The following PAPPA2 variants were observed in gnomAD, a reference collection of about 807,000 sequenced individuals.
PAPPA2 encodes pappalysin-2.
In PAPPA2, 86 loss-of-function variants were observed where a neutral mutation model predicts 176.4. The ratio of observed to expected loss-of-function variants is 0.49; its 90% CI spans 0.41 to 0.58. The LOEUF (loss-of-function observed/expected upper bound fraction) is 0.58. PAPPA2 is among the 20% of genes least tolerant of loss of function. PAPPA2 has a pLI of 0.00. For synonymous variants in PAPPA2, 809 were observed against 852.2 expected (o/e 0.95, Z 0.88); for missense variants, 2,073 against 2,256.9 (o/e 0.92, Z 1.65).
intron 3 of PAPPA2, among the ~76,000 whole-genome samples, chr1:176,638,937 TGC>T (rs1558489582): frequency 7.6e-6 from 1 of 131,502 alleles, no homozygotes; most frequent in Non-Finnish European, 1.6e-5. Context: ...CATGTGCATG[TGC>T]GTGTGTGTGT....
At chr1:176,720,639 A>C (rs549324195) in intron 12 of PAPPA2, among the ~76,000 whole-genome samples, 1 of 152,254 alleles carries the variant, frequency 6.6e-6, no homozygotes, top group African/African-American at 2.4e-5. Flanking sequence ...ATGTATCTAC[A>C]TATAAATAGA....
Position 176,475,683 on chromosome 1 carries a change from G to A in PAPPA2, c.-917+12265G>A, listed in dbSNP as rs116384001. On this transcript the variant is annotated intron_variant, in intron 1 of 22. Coordinates refer to ENST00000367662, the MANE Select transcript of PAPPA2 (RefSeq NM_020318.3). ...TGTCATCCAGTAATATCTTGACTGGGCCAAGAAAATAACCCAACATTTTAT... is the reference window on the plus strand; with the variant it reads ...TGTCATCCAGTAATATCTTGACTGGACCAAGAAAATAACCCAACATTTTAT... 9.8e-3 allele frequency among the ~76,000 whole-genome samples: 1,491 copies of A among 152,292 alleles called. 26 individuals carry two copies. Among genetic ancestry groups the A allele is most frequent in the African/African-American group, 0.034 (1,417 of 41,550 alleles).
intron 1 of PAPPA2, among the ~76,000 whole-genome samples, chr1:176,473,776 A>G (rs533309723): frequency 6.6e-6 from 1 of 152,282 alleles, no homozygotes; most frequent in African/African-American, 2.4e-5. Flanking sequence ...TAATTCCTGA[A>G]TGATATATGA....
chr1:176,616,097 A>G (rs140206974), intron 3 of PAPPA2, among the ~76,000 whole-genome samples: 10 of 152,328 alleles, frequency 6.6e-5, no homozygotes, highest in African/African-American at 2.4e-4. Context: ...ACTGTAACCC[A>G]AACACAGAGG....
At chr1:176,737,306 A>ACT (rs1054662558) in intron 12 of PAPPA2, among the ~76,000 whole-genome samples, 5 of 151,478 alleles carry the variant, frequency 3.3e-5, no homozygotes, top group African/African-American at 1.2e-4. Context: ...TGCCTGGCTT[A>ACT]CTCTCTCTCT....
chr1:176,529,384 C>T (rs1649672170), intron 1 of PAPPA2, among the ~76,000 whole-genome samples: 1 of 151,948 alleles, frequency 6.6e-6, no homozygotes, highest in Non-Finnish European at 1.5e-5. Flanking sequence ...CTCTGAAGCT[C>T]TCCTTCCAGC....
At chr1:176,505,662 G>GCAA (rs1042168425) in intron 1 of PAPPA2, among the ~76,000 whole-genome samples, 1 of 151,652 alleles carries the variant, frequency 6.6e-6, no homozygotes, top group South Asian at 2.1e-4. Flanking sequence ...ATATGGAACA[G>GCAA]CAACAACAAC....
chr1:176,687,890 G>A (rs1659921825), intron 4 of PAPPA2, among the ~76,000 whole-genome samples: 1 of 152,258 alleles, frequency 6.6e-6, no homozygotes, highest in South Asian at 2.1e-4. Flanking sequence ...ATTGATGAAG[G>A]ACTTTTCGGG....
intron 3 of PAPPA2, among the ~76,000 whole-genome samples, chr1:176,631,084 A>G (rs1249938500): frequency 1.3e-5 from 2 of 152,208 alleles, no homozygotes; most frequent in African/African-American, 4.8e-5. Context: ...ACTGGAAAAA[A>G]GCAGAGGTGG....
intron 1 of PAPPA2, among the ~76,000 whole-genome samples, chr1:176,503,136 A>G (rs1211919097): frequency 6.6e-6 from 1 of 152,112 alleles, no homozygotes; most frequent in Non-Finnish European, 1.5e-5. Flanking sequence ...CTAGGAGAGA[A>G]TCAATTTTTT....
At chr1:176,833,029 A>G (rs529601822) in intron 21 of PAPPA2, among the ~76,000 whole-genome samples, 1 of 152,310 alleles carries the variant, frequency 6.6e-6, no homozygotes, top group Admixed American at 6.5e-5. Flanking sequence ...CACATGGACC[A>G]GTGATGCATG....
chr1:176,838,140 C>T (rs1040101572), intron 21 of PAPPA2, among the ~76,000 whole-genome samples: 4 of 152,076 alleles, frequency 2.6e-5, no homozygotes, highest in Admixed American at 2.0e-4. Flanking sequence ...CCAGTGGGGC[C>T]TGGAGGTCAC....
intron 3 of PAPPA2, among the ~76,000 whole-genome samples, chr1:176,665,494 G>T (rs1292655279): frequency 6.6e-6 from 1 of 152,260 alleles, no homozygotes; most frequent in East Asian, 1.9e-4. Context: ...CTTAATTCTT[G>T]CCAGAAATGG....
intron 1 of PAPPA2, among the ~76,000 whole-genome samples, chr1:176,473,541 A>G (rs971884479): frequency 2.0e-5 from 3 of 152,184 alleles, no homozygotes; most frequent in African/African-American, 7.2e-5. Context: ...ACTTGGGTAA[A>G]TACCAAAAAA....
chr1:176,748,766 A>G (rs1403817847), intron 14 of PAPPA2, among the ~76,000 whole-genome samples: 1 of 152,166 alleles, frequency 6.6e-6, no homozygotes, highest in Non-Finnish European at 1.5e-5. Flanking sequence ...ATAATTGCCT[A>G]CAGTATTTGG....
chr1:176,760,189 A>G (rs994601823), intron 14 of PAPPA2, among the ~76,000 whole-genome samples: 3 of 152,252 alleles, frequency 2.0e-5, no homozygotes, highest in Non-Finnish European at 2.9e-5. Flanking sequence ...CCATGAATTT[A>G]TAATCAGTAA....
At chr1:176,780,633 G>A (rs565005361) in intron 17 of PAPPA2, among the ~76,000 whole-genome samples, 2 of 152,160 alleles carry the variant, frequency 1.3e-5, no homozygotes, top group African/African-American at 4.8e-5. Flanking sequence ...CTTCATGTCT[G>A]CAGGCAGTGT....
In PAPPA2 at chr1:176,837,478, C is replaced by CAAA. The variant is rs35134966; in HGVS notation, c.5203-2676_5203-2674dup. 1.6e-4 allele frequency among the ~76,000 whole-genome samples: 15 copies of CAAA among 94,766 alleles called. No individual in the cohort carries two copies. In the South Asian group the frequency reaches 1.7e-3, roughly 11 times the overall value. 62.2% of individuals were successfully genotyped at this position (94,766 alleles called of 152,430 possible). On this transcript the variant is annotated intron_variant, in intron 21 of 22. Transcript: ENST00000367662. ...TTGGGTTCTATATGTTGTTAAAAGG[C>CAAA]AAAAAAAAAAAAAAAAAAAAACGGG...
chr1:176,611,165 A>G (rs983870207), intron 3 of PAPPA2, among the ~76,000 whole-genome samples: 4 of 152,194 alleles, frequency 2.6e-5, no homozygotes, highest in Admixed American at 2.0e-4. Context: ...GAAGGACTCA[A>G]TCTGGGAGGG....
Sources: gnomAD v4.1 joint callset for allele counts (sites outside exome capture counted in the v4.1 genomes callset) on GRCh38, gnomAD v4.1.1 for gene constraint, MANE v1.5 for transcripts, NCBI Gene and HGNC (gene_info 2026-07-23, HGNC 2026-07-21) for gene names.